Variants in OOEP observed in about 807,000 individuals in gnomAD.
OOEP encodes the protein oocyte expressed protein.
A neutral mutation model predicts 13.7 loss-of-function variants in OOEP; 16 were observed. The observed-to-expected ratio is 1.16, with a 90% CI of 0.79 to 1.77. The LOEUF is 1.77. OOEP is among the 40% of genes most tolerant of loss of function. The pLI is 0.00. For synonymous variants in OOEP, 89 were observed against 77.1 expected, an observed-to-expected ratio of 1.15 and a Z score of -0.81; for missense variants, 195 against 193.1, an observed-to-expected ratio of 1.01 and a Z score of -0.06.
chr6:73,382,253 T>G lies in OOEP; in HGVS notation c.25+12093A>C, dbSNP rs182599155. ...TTTTTTTTGAGATGGAGTCTCGCTG[T>G]GTTGCCCAGGCTGGAGTGTAGTGGC... On this transcript the variant is annotated intron_variant, in intron 2 of 3. Coordinates refer to the OOEP transcript ENST00000370363. 3.1e-3 allele frequency among the ~76,000 whole-genome samples: 433 copies of G among 139,652 alleles called. 2 individuals carry two copies. Among genetic ancestry groups the G allele is most frequent in the African/African-American group, 0.011 (412 of 36,566 alleles). The allele number at this position is 139,652 out of a possible 152,430, so 91.6% of individuals were successfully genotyped here.
chr6:73,369,784 A>C lies in OOEP; in HGVS notation c.9T>G (p.Asp3Glu). 4 of 1,613,240 alleles carry C rather than the reference A, an allele frequency of 2.5e-6. No homozygotes were observed. Among genetic ancestry groups the C allele is most frequent in the Non-Finnish European group, 3.4e-6 (4 of 1,179,530 alleles). MV[D>E]DAGAAESQRG... ...GCTGGGACTCAGCGGCACCAGCATC[A>C]TCGACCATACTGGGACCAGCAGCCG... The change falls in exon 1 of 3, where the codon GAT (aspartate) becomes GAG (glutamate). Residue 3 changes from aspartate to glutamate, a missense_variant. Asp to Glu is a conservative substitution (Grantham distance 45, BLOSUM62 2). Transcript: ENST00000370359.
At chr6:73,394,379 C>T in exon 2 of OOEP, 1 of 715,014 alleles carries the variant, frequency 1.4e-6, no homozygotes, top group Non-Finnish European at 2.6e-6. Context: ...ATTTCCGGTG[C>T]AGTGGCTGAC....
chr6:73,370,630 G>A (rs1032880662), upstream of OOEP, among the ~76,000 whole-genome samples: 1 of 152,092 alleles, frequency 6.6e-6, no homozygotes, highest in African/African-American at 2.4e-5. Flanking sequence ...TCCTTCTCCA[G>A]AGGAAATCAT....
rs542213356 is a variant in OOEP at position 73,380,763 on chromosome 6, C to G, written c.26-11378G>C. On this transcript the variant is annotated intron_variant, in intron 2 of 3. Transcript: ENST00000370363. ...GATCTAGACACCAAATATGATTAGT[C>G]TCAACAGATTGTGATTTATCTACAC... 2.0e-5 allele frequency among the ~76,000 whole-genome samples: 3 copies of G among 152,000 alleles called. No homozygotes were observed. The East Asian group carries it at 5.8e-4, about 29-fold the overall frequency.
At position 73,369,633 on chromosome 6, in the gene OOEP, G is replaced by A. The variant is rs780098997; in HGVS notation, c.160C>T (p.Leu54=). The A allele has an allele frequency of 1.9e-6, 3 of 1,613,900 alleles. No individual in the cohort carries two copies. Among genetic ancestry groups the A allele is most frequent in the Non-Finnish European group, 2.5e-6 (3 of 1,179,894 alleles). Residue 54 remains leucine, a synonymous_variant, in exon 1 of 3, where the codon CTA becomes TTA. Coordinates refer to ENST00000370359, the MANE Select transcript of OOEP (RefSeq NM_001080507.3). ...AGCTCGTCTGCCAGCCATGCCTCTA[G>A]GTAGAACACCAAAGGGTCTCTCAGT... ...QELRDPLVFY[L]EAWLADELFG...
At chr6:73,392,619 CTTTTTTTTTTTTTTTTTT>C (rs70994198) in intron 2 of OOEP, among the ~76,000 whole-genome samples, 1 of 43,992 alleles carries the variant, frequency 2.3e-5, no homozygotes, top group African/African-American at 9.9e-5. Flanking sequence ...CCTAGGTAAT[CTTTTTTTTTTTTTTTTTT>C]TTTTTTTTTT....
At chr6:73,374,236 G>A (rs1035504956), upstream of OOEP, among the ~76,000 whole-genome samples, 1 of 151,974 alleles carries the variant, frequency 6.6e-6, no homozygotes, top group African/African-American at 2.4e-5. Flanking sequence ...TTTAATGGAG[G>A]AAAGGGGCTC....
At chr6:73,369,512 G>T in intron 1 of OOEP, 91 bp downstream of exon 1, 2 of 1,509,550 alleles carry the variant, frequency 1.3e-6, no homozygotes, top group Admixed American at 3.5e-5. Context: ...CCTGGCTTGC[G>T]AATCTGGGAA....
In OOEP at chr6:73,380,047, G is replaced by A. The variant is rs184073556; in HGVS notation, c.26-10662C>T. ...TACACTTTGAATGGCTTTTTTATTC[G>A]TGCATGATTTTGTAACATCACTCAT... On this transcript the variant is annotated intron_variant, in intron 2 of 3. Transcript: ENST00000370363. Among the ~76,000 whole-genome samples the A allele has an allele frequency of 7.2e-5, 11 of 152,120 alleles. No homozygotes were observed. In the East Asian group the frequency reaches 9.6e-4, roughly 13 times the overall value.
intron 2 of OOEP, among the ~76,000 whole-genome samples, chr6:73,389,625 A>T: frequency 6.7e-6 from 1 of 149,186 alleles, no homozygotes; most frequent in Non-Finnish European, 1.5e-5. Context: ...AACAGAACTC[A>T]TAGGTGGGAA....
chr6:73,372,954 T>G (rs1769083046), upstream of OOEP, among the ~76,000 whole-genome samples: 1 of 151,442 alleles, frequency 6.6e-6, no homozygotes, highest in South Asian at 2.1e-4. Context: ...CACATATTTA[T>G]TACTGAATCC....
intron 2 of OOEP, among the ~76,000 whole-genome samples, chr6:73,386,904 GT>G (rs1399746505): frequency 1.4e-5 from 2 of 143,682 alleles, no homozygotes; most frequent in East Asian, 4.6e-4. Flanking sequence ...GGAGGCGGAG[GT>G]TGCAGTGAGC....
At chr6:73,393,239 T>A (rs1359870092) in intron 2 of OOEP, among the ~76,000 whole-genome samples, 1 of 152,002 alleles carries the variant, frequency 6.6e-6, no homozygotes, top group African/African-American at 2.4e-5. Flanking sequence ...CACCTCAGCC[T>A]CCTGAGTAGC....
intron 2 of OOEP, among the ~76,000 whole-genome samples, chr6:73,393,133 AGGGTCT>A (rs1472526140): frequency 1.3e-5 from 2 of 151,290 alleles, no homozygotes; most frequent in African/African-American, 4.9e-5. Flanking sequence ...TTTTTGAGAC[AGGGTCT>A]CTGCTCTGTT....
intron 2 of OOEP, chr6:73,391,128 T>C (rs1320026030): frequency 6.6e-6 from 1 of 152,182 alleles, no homozygotes; most frequent in Non-Finnish European, 1.5e-5. Flanking sequence ...CTTCCTTTAT[T>C]CTCTTGTCCA....
intron 2 of OOEP, among the ~76,000 whole-genome samples, chr6:73,376,344 G>GTT (rs70994194): frequency 0.012 from 1,205 of 103,410 alleles, 184 homozygotes; most frequent in African/African-American, 0.043. Context: ...ACAAGGGGTT[G>GTT]TTTTTTTTTT....
chr6:73,371,755 AT>A (rs113362145), upstream of OOEP, among the ~76,000 whole-genome samples: 41,115 of 130,298 alleles, frequency 0.32, 5,934 homozygotes, highest in East Asian at 0.53. Flanking sequence ...TGTCTCAAAA[AT>A]AAAAAAAAAT....
intron 2 of OOEP, among the ~76,000 whole-genome samples, chr6:73,382,405 A>T (rs1166024221): frequency 6.6e-6 from 1 of 150,792 alleles, no homozygotes; most frequent in Non-Finnish European, 1.5e-5. Context: ...TTCAGTAGAG[A>T]TGGGGTTTCA....
upstream of OOEP, among the ~76,000 whole-genome samples, chr6:73,373,963 G>A (rs1323583930): frequency 1.3e-5 from 2 of 152,000 alleles, no homozygotes; most frequent in Non-Finnish European, 2.9e-5. Context: ...GGCTGAGGCG[G>A]GAGGATCACT....
Sources: gnomAD v4.1 joint callset for allele counts (sites outside exome capture counted in the v4.1 genomes callset) on GRCh38, gnomAD v4.1.1 for gene constraint, MANE v1.5 for transcripts, NCBI Gene and HGNC (gene_info 2026-07-23, HGNC 2026-07-21) for gene names.